NRG1: variants seen among roughly 807,000 people sequenced by gnomAD.
NRG1 encodes the protein pro-neuregulin-1, membrane-bound isoform.
NRG1 carries 18 observed loss-of-function variants against 63.8 expected under a neutral mutation model. The ratio of observed to expected loss-of-function variants is 0.28; its 90% CI spans 0.19 to 0.42. NRG1 has a LOEUF of 0.42. NRG1 is among the 10% of genes least tolerant of loss of function. The pLI is 1.00. For synonymous variants in NRG1, 302 were observed against 301.3 expected (o/e 1.00, Z -0.02); for missense variants, 762 against 814.7 (o/e 0.94, Z 0.79).
intron 1 of NRG1, among the ~76,000 whole-genome samples, chr8:31,898,117 T>A (rs1563540626): frequency 6.6e-6 from 1 of 151,654 alleles, no homozygotes; most frequent in Non-Finnish European, 1.5e-5. Context: ...CAAACCAATA[T>A]ACATCTTACA....
intron 1 of NRG1, among the ~76,000 whole-genome samples, chr8:32,192,389 C>T (rs1842577317): frequency 6.6e-6 from 1 of 152,004 alleles, no homozygotes; most frequent in South Asian, 2.1e-4. Context: ...ACGTATACAC[C>T]ATGTAATACT....
rs1847230524 is a variant in NRG1, at chr8:32,615,710, T to C, written c.452-1125T>C. Among the ~76,000 whole-genome samples, 3 of 152,054 alleles carry C rather than the reference T, an allele frequency of 2.0e-5. 1 individual carries two copies. In the South Asian group the frequency reaches 6.2e-4, roughly 31 times the overall value. On this transcript the variant is annotated intron_variant, in intron 4 of 11. Transcript: ENST00000356819. ...AGCCATTTTTTAAAACCATAAAAGC[T>C]AAACATCTCTGTATCCTAGACTACT...
intron 5 of NRG1, among the ~76,000 whole-genome samples, chr8:32,643,611 G>A (rs1018455430): frequency 6.6e-6 from 1 of 152,178 alleles, no homozygotes; most frequent in Non-Finnish European, 1.5e-5. Context: ...TAAACCTACA[G>A]AATAAAATGG....
downstream of NRG1, among the ~76,000 whole-genome samples, chr8:32,770,910 G>A (rs1831741662): frequency 6.6e-6 from 1 of 152,084 alleles, no homozygotes. Context: ...AGTTCCTTAA[G>A]TTTTGGAATC....
At chr8:32,743,054 C>T in intron 7 of NRG1, 1 of 1,118,658 alleles carries the variant, frequency 8.9e-7, no homozygotes, top group Non-Finnish European at 1.1e-6. Flanking sequence ...TTCAAAGTCT[C>T]ACTTTTATTG....
chr8:32,164,593 C>T (rs562714094), intron 1 of NRG1, among the ~76,000 whole-genome samples: 18 of 152,288 alleles, frequency 1.2e-4, no homozygotes, highest in African/African-American at 3.8e-4. Flanking sequence ...TACACACTAC[C>T]GCTTTTTACA....
At chr8:32,533,052 G>T (rs1198619358) in intron 1 of NRG1, among the ~76,000 whole-genome samples, 2 of 150,806 alleles carry the variant, frequency 1.3e-5, no homozygotes, top group African/African-American at 4.9e-5. Context: ...AAAAAAGAAT[G>T]CTTCCATTTC....
intron 1 of NRG1, among the ~76,000 whole-genome samples, chr8:31,821,189 G>A (rs1823971187): frequency 6.6e-6 from 1 of 152,078 alleles, no homozygotes; most frequent in African/African-American, 2.4e-5. Flanking sequence ...GGAATGTTTT[G>A]GGGCATATTT....
intron 1 of NRG1, among the ~76,000 whole-genome samples, chr8:32,024,241 T>C (rs1367061748): frequency 2.0e-5 from 3 of 152,226 alleles, no homozygotes; most frequent in African/African-American, 4.8e-5. Context: ...TTTGTTCCTC[T>C]GCAAAACTGT....
intron 1 of NRG1, among the ~76,000 whole-genome samples, chr8:32,279,630 C>T (rs1307243704): frequency 5.3e-5 from 8 of 152,224 alleles, no homozygotes; most frequent in African/African-American, 1.7e-4. Context: ...GGATTACAGG[C>T]GTGAGCCACC....
intron 1 of NRG1, among the ~76,000 whole-genome samples, chr8:31,644,512 G>A (rs1240014366): frequency 6.6e-6 from 1 of 152,148 alleles, no homozygotes; most frequent in African/African-American, 2.4e-5. Context: ...TGTAGGGAAA[G>A]TCTTACCATA....
intron 1 of NRG1, among the ~76,000 whole-genome samples, chr8:32,533,182 G>T (rs575247121): frequency 6.6e-6 from 1 of 151,924 alleles, no homozygotes; most frequent in East Asian, 1.9e-4. Context: ...GAAGAAATAC[G>T]CAATTTCCCA....
At chr8:31,877,091 C>G (rs888895779) in intron 1 of NRG1, among the ~76,000 whole-genome samples, 1 of 152,062 alleles carries the variant, frequency 6.6e-6, no homozygotes, top group Non-Finnish European at 1.5e-5. Context: ...AAAAGAATAC[C>G]AAATTCCAGT....
intron 1 of NRG1, among the ~76,000 whole-genome samples, chr8:32,445,140 G>C (rs1820083245): frequency 6.6e-6 from 1 of 152,164 alleles, no homozygotes; most frequent in African/African-American, 2.4e-5. Context: ...AAAATCCACA[G>C]ATGCTCATGT....
At chr8:32,507,402 T>G (rs561522666) in intron 1 of NRG1, among the ~76,000 whole-genome samples, 1 of 152,142 alleles carries the variant, frequency 6.6e-6, no homozygotes, top group Non-Finnish European at 1.5e-5. Flanking sequence ...TGTGAATCCA[T>G]TGAATGGAAC....
downstream of NRG1, among the ~76,000 whole-genome samples, chr8:32,769,581 C>T (rs963422771): frequency 4.6e-5 from 7 of 152,160 alleles, no homozygotes; most frequent in Non-Finnish European, 8.8e-5. Flanking sequence ...TGGAAAGTTT[C>T]GATGACTTTA....
chr8:32,380,771 G>A (rs762499252), intron 1 of NRG1, among the ~76,000 whole-genome samples: 1 of 152,060 alleles, frequency 6.6e-6, no homozygotes, highest in African/African-American at 2.4e-5. Context: ...CATTTTTTAA[G>A]TTTTTTGTTA....
intron 1 of NRG1, among the ~76,000 whole-genome samples, chr8:31,902,489 C>T (rs190301795): frequency 8.5e-5 from 13 of 152,078 alleles, no homozygotes; most frequent in African/African-American, 2.4e-4. Context: ...CCATTCAATA[C>T]GTAAAAATAT....
chr8:32,684,098 G>A (rs1189043343), intron 5 of NRG1, among the ~76,000 whole-genome samples: 1 of 152,108 alleles, frequency 6.6e-6, no homozygotes, highest in African/African-American at 2.4e-5. Flanking sequence ...TCCGGGAGGC[G>A]GAGGTTGCAG....
Sources: allele counts gnomAD v4.1 joint callset (sites outside exome capture counted in the v4.1 genomes callset), GRCh38; gene constraint gnomAD v4.1.1; transcripts MANE v1.5; gene names NCBI Gene and HGNC (gene_info 2026-07-23, HGNC 2026-07-21).